SP7: variants seen among roughly 807,000 people sequenced by gnomAD.
SP7 encodes transcription factor Sp7.
Under a neutral mutation model 27.9 loss-of-function variants are expected in SP7, and 13 were observed. That is an observed-to-expected ratio of 0.47 (90% CI 0.30 to 0.74). SP7 has a LOEUF of 0.74. SP7 is among the 30% of genes least tolerant of loss of function. The pLI is 0.06. For missense variants in SP7, 525 were observed against 558.0 expected, an observed-to-expected ratio of 0.94 and a Z score of 0.60; for synonymous variants, 219 against 226.7, an observed-to-expected ratio of 0.97 and a Z score of 0.31.
Position 53,335,707 on chromosome 12 carries a change from TGGGGGG to T in SP7, c.-47-20_-47-15del. ...AGATGGAGAGAGCTGAGCCGGGGGGTGGGGGGGGTAGAGAGAGAAAAGGGAGAGGGA... is the reference window on the plus strand; with the variant it reads ...AGATGGAGAGAGCTGAGCCGGGGGGTGGTAGAGAGAGAAAAGGGAGAGGGA... On this transcript the variant is annotated splice_polypyrimidine_tract_variant and intron_variant, in intron 1 of 2. Coordinates refer to ENST00000536324, the MANE Select transcript of SP7 (RefSeq NM_001173467.3). 4.3e-6 allele frequency: 1 copy of T among 230,212 alleles called. No homozygotes were observed. Among genetic ancestry groups the T allele is most frequent in the South Asian group, 8.1e-5 (1 of 12,356 alleles). The allele number at this position is 230,212 out of a possible 1,614,324, so 14.3% of individuals were successfully genotyped here.
intron 1 of SP7, among the ~76,000 whole-genome samples, chr12:53,342,119 T>G (rs1483271769): frequency 6.6e-6 from 1 of 150,384 alleles, no homozygotes; most frequent in African/African-American, 2.5e-5. Flanking sequence ...AAAAATTAGC[T>G]GGGTGTGGTG....
At chr12:53,337,399 G>A (rs1944782412), upstream of SP7, among the ~76,000 whole-genome samples, 1 of 152,240 alleles carries the variant, frequency 6.6e-6, no homozygotes, top group African/African-American at 2.4e-5. Context: ...TGAAACCTGG[G>A]CCATGGGCCC....
At chr12:53,342,444 A>G (rs772259268) in intron 1 of SP7, among the ~76,000 whole-genome samples, 14 of 152,208 alleles carry the variant, frequency 9.2e-5, no homozygotes, top group Non-Finnish European at 1.6e-4. Flanking sequence ...ATGCAATAAC[A>G]AGCAAGACAG....
intron 2 of SP7, among the ~76,000 whole-genome samples, chr12:53,329,962 G>C (rs1944685077): frequency 6.6e-6 from 1 of 151,990 alleles, no homozygotes; most frequent in Admixed American, 6.6e-5. Flanking sequence ...TCAAACTCCT[G>C]ACCTCAGGTG....
intron 2 of SP7, among the ~76,000 whole-genome samples, chr12:53,332,569 C>A (rs767385474): frequency 1.3e-5 from 2 of 152,022 alleles, no homozygotes; most frequent in Non-Finnish European, 1.5e-5. Flanking sequence ...CACAGCAAGA[C>A]CCTGTCTCAA....
At chr12:53,337,611 G>A (rs952732038), upstream of SP7, among the ~76,000 whole-genome samples, 5 of 152,010 alleles carry the variant, frequency 3.3e-5, no homozygotes, top group East Asian at 1.9e-4. Context: ...TCACTTTCTC[G>A]GAGTGCCCAA....
intron 2 of SP7, among the ~76,000 whole-genome samples, chr12:53,330,118 G>A (rs925041015): frequency 3.3e-5 from 5 of 151,870 alleles, no homozygotes; most frequent in African/African-American, 4.8e-5. Flanking sequence ...GCCCAATCTC[G>A]GCTCACTGCA....
At chr12:53,342,515 G>T (rs1049557638) in intron 1 of SP7, among the ~76,000 whole-genome samples, 1 of 152,048 alleles carries the variant, frequency 6.6e-6, no homozygotes, top group Non-Finnish European at 1.5e-5. Context: ...GAAGTATCTC[G>T]ATAGAATAAG....
At chr12:53,343,487 G>C (rs747286465) in intron 1 of SP7, among the ~76,000 whole-genome samples, 4 of 152,200 alleles carry the variant, frequency 2.6e-5, no homozygotes, top group Non-Finnish European at 5.9e-5. Flanking sequence ...AAGCTTGGGT[G>C]AGCTATTTAA....
chr12:53,331,160 G>A (rs1036937186), intron 2 of SP7, among the ~76,000 whole-genome samples: 1 of 152,094 alleles, frequency 6.6e-6, no homozygotes, highest in Non-Finnish European at 1.5e-5. Flanking sequence ...TAGTATATGG[G>A]AGTCTTTTAG....
At chr12:53,343,887 A>G (rs1386115688) in intron 1 of SP7, among the ~76,000 whole-genome samples, 1 of 152,018 alleles carries the variant, frequency 6.6e-6, no homozygotes, top group East Asian at 1.9e-4. Context: ...TCTACTAAAA[A>G]TACAAAAATT....
At chr12:53,339,103 G>C (rs1403903465), upstream of SP7, among the ~76,000 whole-genome samples, 1 of 152,110 alleles carries the variant, frequency 6.6e-6, no homozygotes, top group Non-Finnish European at 1.5e-5. Context: ...CTGCGGCTCT[G>C]GTCCTTCCAG....
At chr12:53,341,409 CTG>C (rs1329005607) in intron 1 of SP7, among the ~76,000 whole-genome samples, 1 of 152,212 alleles carries the variant, frequency 6.6e-6, no homozygotes, top group African/African-American at 2.4e-5. Context: ...AAGAGGAAGA[CTG>C]GGGTCTGATT....
rs748756178 is a variant in SP7 at position 53,329,204 on chromosome 12, T to G, written c.238A>C (p.Ser80Arg). 5.6e-5 allele frequency: 90 copies of G among 1,613,662 alleles called. No homozygotes were observed. Among genetic ancestry groups the G allele is most frequent in the Non-Finnish European group, 7.3e-5 (86 of 1,179,866 alleles). ...STNGLLSPAG[S>R]PPAPTSGYAN... ...TAGCCTGAGGTGGGTGCTGGAGGAC[T>G]GCCTGCAGGTGAAAGGAGCCCATTA... The change falls in exon 3 of 3, where the codon AGT becomes CGT. Residue 80 changes from serine to arginine, a missense_variant. Physicochemically the swap from Ser to Arg is moderately radical, Grantham distance 110. Transcript: ENST00000536324.
chr12:53,331,633 A>T (rs1468651975), intron 2 of SP7, among the ~76,000 whole-genome samples: 1 of 152,158 alleles, frequency 6.6e-6, no homozygotes, highest in Non-Finnish European at 1.5e-5. Context: ...GCCCTATAGC[A>T]TCCCTGGCTG....
At chr12:53,343,571 G>A in intron 1 of SP7, among the ~76,000 whole-genome samples, 1 of 152,278 alleles carries the variant, frequency 6.6e-6, no homozygotes, top group South Asian at 2.1e-4. Flanking sequence ...TTGTTACAAG[G>A]ATTAGCAATA....
rs1015767129 is a variant in SP7 at position 53,344,193 on chromosome 12, C to T, written c.-34+921G>A. Among the ~76,000 whole-genome samples, 2 of 152,116 alleles carry T rather than the reference C, an allele frequency of 1.3e-5. No individual in the cohort carries two copies. The highest frequency in any genetic ancestry group is 4.8e-5 in the African/African-American group (2 of 41,408). On this transcript the variant is annotated intron_variant, in intron 1 of 1. Coordinates refer to the SP7 transcript ENST00000547755. This position sits in a 1 kb window ranked among gnomAD's most constrained non-coding sequence, Gnocchi z 4.6. ...CTGTGTGTTGATGTGTGCACTTGCA[C>T]ACAGGATATGCAGGCATTTTAGAGG...
At position 53,328,775 on chromosome 12, in the gene SP7, C is replaced by A; in HGVS notation, c.667G>T (p.Val223Phe). The change falls in exon 3 of 3, where the codon GTC becomes TTC. Residue 223 changes from valine to phenylalanine, a missense_variant. Coordinates refer to ENST00000536324, the MANE Select transcript of SP7 (RefSeq NM_001173467.3). The surrounding 1 kb of genome is among the most constrained non-coding windows in gnomAD (Gnocchi z 5.1). ...GGTTTATAGACATCTTGGGGCAAGA[C>A]ATGCTGGGGCCCTGGTTGCAAGAGG... ...PHLLQPGPQHVLPQDVYKPKA... is the reference protein window; with the variant it reads ...PHLLQPGPQHFLPQDVYKPKA... 1 of 1,600,160 alleles carries A rather than the reference C, an allele frequency of 6.2e-7. No homozygotes were observed. The highest frequency in any genetic ancestry group is 1.1e-5 in the South Asian group (1 of 90,080).
chr12:53,326,603 TAAAAA>T lies in SP7; in HGVS notation c.*1538_*1542del. 6.7e-6 allele frequency: 1 copy of T among 148,836 alleles called. No homozygotes were observed. The highest frequency in any genetic ancestry group is 2.0e-4 in the East Asian group (1 of 5,104). The allele number at this position is 148,836 out of a possible 1,614,324, so 9.2% of individuals were successfully genotyped here. A position where few individuals can be genotyped will look rare whatever the true frequency, so the allele number is the denominator to read the frequency against. On this transcript the variant is annotated 3_prime_UTR_variant, in exon 3 of 3. Coordinates refer to ENST00000536324, the MANE Select transcript of SP7 (RefSeq NM_001173467.3). ...CAAATCCAACTTTTATTTATTAAAT[TAAAAA>T]AAAAAGACTCCACAAAGGGCATGAT...
Sources: gnomAD v4.1 joint callset for allele counts (sites outside exome capture counted in the v4.1 genomes callset) on GRCh38, gnomAD v4.1.1 for gene constraint, Gnocchi (gnomAD v3.1) non-coding constraint, MANE v1.5 for transcripts, NCBI Gene and HGNC (gene_info 2026-07-23, HGNC 2026-07-21) for gene names.